The following SLC35F3 variants were observed in gnomAD, a reference collection of about 807,000 sequenced individuals.
SLC35F3 encodes the protein solute carrier family 35 member F3.
In SLC35F3, 25 loss-of-function variants were observed where a neutral mutation model predicts 49.9. The ratio of observed to expected loss-of-function variants is 0.50; its 90% CI spans 0.37 to 0.70. SLC35F3 has a LOEUF of 0.70. SLC35F3 is among the 30% of genes least tolerant of loss of function. SLC35F3 has a pLI of 0.00. For synonymous variants in SLC35F3, 275 were observed against 265.4 expected (o/e 1.04, Z -0.35); for missense variants, 525 against 639.8 (o/e 0.82, Z 1.94).
At chr1:234,115,606 A>G (rs1665474583) in intron 2 of SLC35F3, among the ~76,000 whole-genome samples, 1 of 152,242 alleles carries the variant, frequency 6.6e-6, no homozygotes, top group African/African-American at 2.4e-5. Context: ...AAATAATTTC[A>G]GACTTAGAGA....
At chr1:234,235,576 C>T (rs1319349393) in intron 3 of SLC35F3, among the ~76,000 whole-genome samples, 1 of 152,242 alleles carries the variant, frequency 6.6e-6, no homozygotes, top group Non-Finnish European at 1.5e-5. Flanking sequence ...GGGGCATTTT[C>T]AGTCTTGTCC....
intron 2 of SLC35F3, among the ~76,000 whole-genome samples, chr1:234,063,086 C>G (rs1664569373): frequency 6.6e-6 from 1 of 152,002 alleles, no homozygotes; most frequent in South Asian, 2.1e-4. Context: ...GAGCAAGCAC[C>G]ATCAGGGTCC....
intron 2 of SLC35F3, among the ~76,000 whole-genome samples, chr1:234,196,846 GC>G (rs1304869077): frequency 5.3e-5 from 8 of 152,334 alleles, no homozygotes; most frequent in Admixed American, 1.3e-4. Flanking sequence ...GGAGGCTGAG[GC>G]AGGAGAATTG....
At chr1:233,930,132 G>C (rs1662218971) in intron 2 of SLC35F3, among the ~76,000 whole-genome samples, 1 of 145,378 alleles carries the variant, frequency 6.9e-6, no homozygotes, top group Non-Finnish European at 1.5e-5. Flanking sequence ...CTGGCTGCCA[G>C]AGTGAGACCC....
intron 2 of SLC35F3, among the ~76,000 whole-genome samples, chr1:234,019,684 T>A (rs1216369778): frequency 2.0e-5 from 3 of 152,198 alleles, no homozygotes; most frequent in African/African-American, 7.2e-5. Context: ...ACATCTAGAC[T>A]GGTGTTTGAC....
intron 2 of SLC35F3, among the ~76,000 whole-genome samples, chr1:234,145,528 T>C (rs554021463): frequency 6.6e-6 from 1 of 152,320 alleles, no homozygotes; most frequent in Non-Finnish European, 1.5e-5. Flanking sequence ...CAGTACTCCA[T>C]ATCCATGAGC....
chr1:233,968,345 A>G (rs553495496), intron 2 of SLC35F3, among the ~76,000 whole-genome samples: 2 of 151,590 alleles, frequency 1.3e-5, no homozygotes, highest in Admixed American at 1.3e-4. Context: ...AAATGACCCT[A>G]TTTCTTTTTT....
At chr1:234,102,099 AT>A (rs1262426512) in intron 2 of SLC35F3, among the ~76,000 whole-genome samples, 1 of 152,228 alleles carries the variant, frequency 6.6e-6, no homozygotes, top group African/African-American at 2.4e-5. Flanking sequence ...TTCAGAAAGT[AT>A]CACTACCCAT....
intron 2 of SLC35F3, among the ~76,000 whole-genome samples, chr1:233,926,081 C>T (rs980426676): frequency 2.6e-5 from 4 of 152,110 alleles, no homozygotes; most frequent in Admixed American, 6.5e-5. Context: ...TCCTTCATTT[C>T]AACCTTGGTG....
At chr1:234,215,385 G>A (rs777444536) in intron 2 of SLC35F3, among the ~76,000 whole-genome samples, 2 of 152,174 alleles carry the variant, frequency 1.3e-5, no homozygotes, top group Non-Finnish European at 2.9e-5. Flanking sequence ...AATGGAGAAG[G>A]GGGGCAGAGG....
chr1:234,181,716 A>T (rs1666560052), intron 2 of SLC35F3, among the ~76,000 whole-genome samples: 1 of 152,152 alleles, frequency 6.6e-6, no homozygotes, highest in African/African-American at 2.4e-5. Context: ...TATTTCCTGT[A>T]AGTTGATAAT....
chr1:234,222,973 G>T (rs1405339330), intron 2 of SLC35F3, among the ~76,000 whole-genome samples: 1 of 152,188 alleles, frequency 6.6e-6, no homozygotes, highest in African/African-American at 2.4e-5. Flanking sequence ...AACTAGCAGT[G>T]CATATGGATT....
chr1:233,986,476 A>C (rs1220347969), intron 2 of SLC35F3, among the ~76,000 whole-genome samples: 1 of 152,206 alleles, frequency 6.6e-6, no homozygotes, highest in Non-Finnish European at 1.5e-5. Flanking sequence ...ACATCTAGAC[A>C]GTTTATGAGC....
At chr1:234,088,222 C>T (rs12145104) in intron 2 of SLC35F3, among the ~76,000 whole-genome samples, 29,923 of 152,068 alleles carry the variant, frequency 0.2, 3,841 homozygotes, top group Non-Finnish European at 0.28. Context: ...CAGAGTCTTG[C>T]TCTGTTGTTT....
At position 234,320,130 on chromosome 1, in the gene SLC35F3, G is replaced by T. The variant is rs377116741; in HGVS notation, c.1180G>T (p.Val394Phe). The change falls in exon 7 of 8, where the codon GTT becomes TTT. Residue 394 changes from valine (V) to phenylalanine (F), a missense_variant. Physicochemically the swap from Val to Phe is conservative, Grantham distance 50. Around this residue, in one of 4 missense-constraint regions of SLC35F3, gnomAD observed 216 missense variants for 298.1 expected, o/e 0.72. Coordinates refer to ENST00000366618, the MANE Select transcript of SLC35F3 (RefSeq NM_173508.4). This position sits in a 1 kb window ranked among gnomAD's most constrained non-coding sequence, Gnocchi z 4.8. Reference protein sequence around the residue: ...FNIVLNFGIAVTYPTLMSLGI... With the variant: ...FNIVLNFGIAFTYPTLMSLGI... ...TATTGTATTAAATTTTGGAATTGCC[G>T]TTACATATCCCACTCTGATGTCTCT... 1 of 1,613,330 alleles carries T rather than the reference G, an allele frequency of 6.2e-7. No homozygotes were observed. Among genetic ancestry groups the T allele is most frequent in the Non-Finnish European group, 8.5e-7 (1 of 1,179,314 alleles).
intron 2 of SLC35F3, among the ~76,000 whole-genome samples, chr1:234,226,138 A>C (rs1667281969): frequency 6.6e-6 from 1 of 152,238 alleles, no homozygotes. Context: ...TGAGTTGTGT[A>C]CTTAACTGAA....
At chr1:234,162,432 A>G (rs1666243799) in intron 2 of SLC35F3, among the ~76,000 whole-genome samples, 2 of 141,554 alleles carry the variant, frequency 1.4e-5, no homozygotes, top group South Asian at 2.5e-4. Context: ...CAGAAGGTGG[A>G]GAGGGATTAT....
chr1:233,909,616 A>G (rs1661838175), intron 2 of SLC35F3, among the ~76,000 whole-genome samples: 1 of 152,192 alleles, frequency 6.6e-6, no homozygotes, highest in Admixed American at 6.5e-5. Context: ...ATTCTTGGTG[A>G]TAAGCTTTGG....
chr1:234,197,581 C>A (rs1404941480), intron 2 of SLC35F3, among the ~76,000 whole-genome samples: 1 of 147,368 alleles, frequency 6.8e-6, no homozygotes, highest in Non-Finnish European at 1.5e-5. Flanking sequence ...ATGATCACTC[C>A]CTGATGTGGA....
Sources: allele counts gnomAD v4.1 joint callset (sites outside exome capture counted in the v4.1 genomes callset), GRCh38; gene constraint gnomAD v4.1.1; regional missense constraint gnomAD v4.1.1; non-coding constraint Gnocchi (gnomAD v3.1); transcripts MANE v1.5; gene names NCBI Gene and HGNC (gene_info 2026-07-23, HGNC 2026-07-21).